The following CLYBL variants were observed in gnomAD, a reference collection of about 807,000 sequenced individuals.
CLYBL encodes the protein citramalyl-CoA lyase, also known as citramalyl-CoA lyase, mitochondrial.
CLYBL carries 31 observed loss-of-function variants against 38.9 expected under a neutral mutation model. The ratio of observed to expected loss-of-function variants is 0.80; its 90% CI spans 0.60 to 1.08. The LOEUF is 1.08. Ranked by LOEUF, CLYBL falls within the 50% of genes least tolerant of loss-of-function variation. CLYBL has a pLI of 0.00. For missense variants in CLYBL, 434 were observed against 411.6 expected (o/e 1.05, Z -0.47); for synonymous variants, 171 against 158.6 (o/e 1.08, Z -0.59).
intron 1 of CLYBL, among the ~76,000 whole-genome samples, chr13:99,704,972 C>T (rs990238785): frequency 7.2e-5 from 11 of 152,116 alleles, no homozygotes; most frequent in African/African-American, 1.9e-4. Context: ...TCCAGCTCAC[C>T]GCAGTTATGC....
At chr13:99,697,907 C>T (rs991662493) in intron 1 of CLYBL, among the ~76,000 whole-genome samples, 1 of 152,144 alleles carries the variant, frequency 6.6e-6, no homozygotes, top group African/African-American at 2.4e-5. Context: ...CTCAGTCTCC[C>T]AAAGTGCTGG....
chr13:99,868,067 C>T (rs377311694), intron 6 of CLYBL, among the ~76,000 whole-genome samples: 8 of 151,662 alleles, frequency 5.3e-5, no homozygotes, highest in South Asian at 2.1e-4. Flanking sequence ...TGTTTCTCCA[C>T]GACGGGGAGT....
At chr13:99,688,070 G>A (rs1382438478) in intron 1 of CLYBL, among the ~76,000 whole-genome samples, 1 of 152,180 alleles carries the variant, frequency 6.6e-6, no homozygotes, top group East Asian at 1.9e-4. Flanking sequence ...TCTGTTTGAA[G>A]CAACGGTCTT....
intron 1 of CLYBL, among the ~76,000 whole-genome samples, chr13:99,731,833 A>C (rs2048596821): frequency 6.6e-6 from 1 of 152,156 alleles, no homozygotes. Context: ...ACTGAATAAC[A>C]TACTCCACAC....
chr13:99,712,060 T>TCA, intron 1 of CLYBL, among the ~76,000 whole-genome samples: 1 of 152,254 alleles, frequency 6.6e-6, no homozygotes, highest in East Asian at 1.9e-4. Context: ...TCGTGACTAA[T>TCA]CACCAACCAA....
intron 8 of CLYBL, chr13:99,891,760 C>T (rs1213951071): frequency 1.6e-5 from 3 of 190,994 alleles, no homozygotes; most frequent in Non-Finnish European, 3.2e-5. Flanking sequence ...CATATTCCCT[C>T]CACCCTTCTC....
intron 1 of CLYBL, among the ~76,000 whole-genome samples, chr13:99,607,690 G>A (rs1193633389): frequency 6.6e-6 from 1 of 152,218 alleles, no homozygotes; most frequent in African/African-American, 2.4e-5. Context: ...CCAGTAATGA[G>A]AGAGTTTGGT....
chr13:99,866,150 A>G (rs2051736728), intron 5 of CLYBL, 90 bp from the exon 6 acceptor site: 2 of 1,264,272 alleles, frequency 1.6e-6, no homozygotes, highest in Non-Finnish European at 2.3e-6. Context: ...GGAGGTTTAG[A>G]TATCTGTACA....
At chr13:99,619,134 C>G (rs948051172) in intron 1 of CLYBL, among the ~76,000 whole-genome samples, 14 of 152,298 alleles carry the variant, frequency 9.2e-5, no homozygotes, top group African/African-American at 3.1e-4. Context: ...CTCCAAAATT[C>G]ATGTTGAAAC....
chr13:99,789,276 T>C (rs1436164174), intron 2 of CLYBL, among the ~76,000 whole-genome samples: 1 of 152,198 alleles, frequency 6.6e-6, no homozygotes, highest in Non-Finnish European at 1.5e-5. Flanking sequence ...TCTAGTTCTT[T>C]TAATTGTGAT....
intron 1 of CLYBL, among the ~76,000 whole-genome samples, chr13:99,689,012 C>CA (rs1177892897): frequency 6.6e-6 from 1 of 152,158 alleles, no homozygotes; most frequent in Non-Finnish European, 1.5e-5. Flanking sequence ...TCTGCCCACT[C>CA]AGTTTTGGAA....
rs867176785 is a variant in CLYBL at position 99,748,441 on chromosome 13, T to G, written c.63-24383T>G. Among the ~76,000 whole-genome samples the G allele has an allele frequency of 3.0e-3, 387 of 130,880 alleles. 4 individuals are homozygous for G. The highest frequency in any genetic ancestry group is 0.011 in the African/African-American group (369 of 33,202). 85.9% of individuals were successfully genotyped at this position (130,880 alleles called of 152,430 possible). A position where few individuals can be genotyped will look rare whatever the true frequency, so the allele number is the denominator to read the frequency against. On this transcript the variant is annotated intron_variant, in intron 1 of 8. Transcript: ENST00000339105. Reference sequence around the variant, plus strand: ...ACTCTAGTTTTGTGTTTTTTTTTTTTTTTTTTTTTTTTTTTTGAGATGGAG... The same window carrying G: ...ACTCTAGTTTTGTGTTTTTTTTTTTGTTTTTTTTTTTTTTTTGAGATGGAG...
At chr13:99,709,902 CTT>C (rs58865848) in intron 1 of CLYBL, among the ~76,000 whole-genome samples, 59 of 139,092 alleles carry the variant, frequency 4.2e-4, no homozygotes, top group African/African-American at 1.4e-3. Context: ...TCGCCCCTAC[CTT>C]TTTTTTTTTT....
chr13:99,692,620 G>A lies in CLYBL; in HGVS notation c.63-80204G>A, dbSNP rs572173691. Reference sequence around the variant, plus strand: ...AAGTTCACATTTTTAAAGGACACACGTCAGTGGTTTTCAGTCTCTTCACAA... The same window carrying A: ...AAGTTCACATTTTTAAAGGACACACATCAGTGGTTTTCAGTCTCTTCACAA... On this transcript the variant is annotated intron_variant, in intron 1 of 8. Coordinates refer to ENST00000339105, the MANE Select transcript of CLYBL (RefSeq NM_206808.5). Among the ~76,000 whole-genome samples the A allele has an allele frequency of 2.2e-3, 341 of 152,174 alleles. 2 individuals are homozygous for A. Among genetic ancestry groups the A allele is most frequent in the African/African-American group, 7.3e-3 (304 of 41,514 alleles).
chr13:99,673,391 C>T (rs1184865437), intron 1 of CLYBL, among the ~76,000 whole-genome samples: 40 of 143,802 alleles, frequency 2.8e-4, no homozygotes, highest in Admixed American at 2.1e-3. Context: ...CTAGCCTGGG[C>T]GACAGAGCGA....
intron 1 of CLYBL, among the ~76,000 whole-genome samples, chr13:99,625,528 A>G (rs2046857513): frequency 1.3e-5 from 2 of 152,318 alleles, no homozygotes; most frequent in East Asian, 1.9e-4. Context: ...AGGATAAGAA[A>G]CTTCACAACC....
At chr13:99,736,720 C>A (rs1289703841) in intron 1 of CLYBL, among the ~76,000 whole-genome samples, 1 of 152,182 alleles carries the variant, frequency 6.6e-6, no homozygotes, top group Non-Finnish European at 1.5e-5. Flanking sequence ...GGCCAGATTT[C>A]ACTGTCACTC....
downstream of CLYBL, among the ~76,000 whole-genome samples, chr13:99,901,356 C>T (rs1566373339): frequency 6.6e-6 from 1 of 152,166 alleles, no homozygotes; most frequent in East Asian, 1.9e-4. Flanking sequence ...CACGGGCAAA[C>T]TATGTTTTTC....
chr13:99,808,551 A>G (rs568902458), intron 2 of CLYBL, among the ~76,000 whole-genome samples: 2 of 152,326 alleles, frequency 1.3e-5, no homozygotes, highest in South Asian at 4.1e-4. Flanking sequence ...TTCTTGTTAG[A>G]TTGAGCTTTT....
Sources: allele counts gnomAD v4.1 joint callset (sites outside exome capture counted in the v4.1 genomes callset), GRCh38; gene constraint gnomAD v4.1.1; transcripts MANE v1.5; gene names NCBI Gene and HGNC (gene_info 2026-07-23, HGNC 2026-07-21).